Variants in CASP14 observed in about 807,000 individuals in gnomAD.
CASP14 encodes the protein caspase-14.
Under a neutral mutation model 28.4 loss-of-function variants are expected in CASP14, and 27 were observed. The ratio of observed to expected loss-of-function variants is 0.95; its 90% confidence interval spans 0.70 to 1.31. The LOEUF (loss-of-function observed/expected upper bound fraction) is 1.31, where lower values mean the gene tolerates loss of function less well. CASP14 is among the 50% of genes most tolerant of loss of function. The pLI is 0.00. For missense variants in CASP14, 323 were observed against 312.8 expected, an observed-to-expected ratio of 1.03 and a Z score of -0.25; for synonymous variants, 115 against 118.6, an observed-to-expected ratio of 0.97 and a Z score of 0.20.
At chr19:15,051,486 G>C (rs2366726) in intron 1 of CASP14, among the ~76,000 whole-genome samples, 53,559 of 132,200 alleles carry the variant, frequency 0.41, 10,736 homozygotes, top group Middle Eastern at 0.49. Flanking sequence ...CTGGGTGACA[G>C]AGTGAGATTC....
intron 3 of CASP14, 33 bp downstream of exon 3, chr19:15,053,664 G>A (rs760864070): frequency 2.5e-6 from 4 of 1,614,084 alleles, no homozygotes; most frequent in Admixed American, 3.3e-5. Context: ...CCTGTTTGGG[G>A]GAAAGGTACT....
At position 15,056,066 on chromosome 19, in the gene CASP14, C is replaced by G; in HGVS notation, c.706C>G (p.Arg236Gly). Residue 236 changes from arginine to glycine, a missense_variant, in exon 7 of 7, where the codon CGG (arginine) becomes GGG (glycine). Arg to Gly is a moderately radical substitution (Grantham distance 125). Coordinates refer to ENST00000427043, the MANE Select transcript of CASP14 (RefSeq NM_012114.3). Reference sequence around the variant, plus strand: ...GAACCCTGAAATCCAAAGCACCCTCCGGAAACGGCTGTATCTGCAGTAGAA... The same window carrying G: ...GAACCCTGAAATCCAAAGCACCCTCGGGAAACGGCTGTATCTGCAGTAGAA... ...KTNPEIQSTL[R>G]KRLYLQ 6.2e-7 allele frequency: 1 copy of G among 1,602,916 alleles called. No individual in the cohort carries two copies. The highest frequency in any genetic ancestry group is 1.1e-5 in the South Asian group (1 of 89,094).
At chr19:15,050,996 G>A (rs1035521434) in intron 1 of CASP14, among the ~76,000 whole-genome samples, 1 of 151,466 alleles carries the variant, frequency 6.6e-6, no homozygotes, top group African/African-American at 2.4e-5. Context: ...ATAAGTAGAT[G>A]GACAGATGAA....
intron 2 of CASP14, among the ~76,000 whole-genome samples, chr19:15,052,957 C>T (rs2046097869): frequency 6.6e-6 from 1 of 152,210 alleles, no homozygotes; most frequent in Non-Finnish European, 1.5e-5. Flanking sequence ...TTGAATTTCA[C>T]ATCAACAACA....
At chr19:15,054,140 A>G (rs1201477260) in intron 4 of CASP14, among the ~76,000 whole-genome samples, 182 bp downstream of exon 4, 2 of 151,856 alleles carry the variant, frequency 1.3e-5, no homozygotes, top group African/African-American at 4.8e-5. Flanking sequence ...TCCCGCCACT[A>G]TGTCAGGCTA....
intron 4 of CASP14, 148 bp downstream of exon 4, chr19:15,054,106 T>A: frequency 1.5e-6 from 1 of 668,854 alleles, no homozygotes. Flanking sequence ...TGCCTCAGCC[T>A]CCTGAGTAGC....
rs373969627 is a variant in CASP14 at position 15,053,638 on chromosome 19, G to A, written c.177+7G>A. 1.9e-6 allele frequency: 3 copies of A among 1,614,180 alleles called. No individual in the cohort carries two copies. Among genetic ancestry groups the A allele is most frequent in the Non-Finnish European group, 2.5e-6 (3 of 1,180,038 alleles). ...AAGAGACCCCACTGCCGAGGTATTG[G>A]GGTGCCTACTCCAGGCCTGTTTGGG... On this transcript the variant is annotated splice_region_variant and intron_variant, in intron 3 of 6. Transcript: ENST00000427043.
In CASP14 at chr19:15,056,096, A is replaced by C; in HGVS notation, c.*7A>C. 1 of 1,574,936 alleles carries C rather than the reference A, an allele frequency of 6.3e-7. No homozygotes were observed. The highest frequency in any genetic ancestry group is 2.3e-5 in the East Asian group (1 of 43,512). ...ACGGCTGTATCTGCAGTAGAAGTAG[A>C]AAGACCAGGAGGAGCTTTCCTTCCA... On this transcript the variant is annotated 3_prime_UTR_variant, in exon 7 of 7. Transcript: ENST00000427043.
chr19:15,055,286 C>T lies in CASP14; in HGVS notation c.520+12C>T. The T allele has an allele frequency of 5.0e-6, 8 of 1,605,908 alleles. No individual in the cohort carries two copies. The highest frequency in any genetic ancestry group is 6.0e-6 in the Non-Finnish European group (7 of 1,172,654). On this transcript the variant is annotated intron_variant, in intron 5 of 6. Coordinates refer to ENST00000427043, the MANE Select transcript of CASP14 (RefSeq NM_012114.3). Reference sequence around the variant, plus strand: ...TTCCACGGTAGAGGGTATGAGCTCCCAGCTGGCCCAGGGATCCCTCTGCTC... The same window carrying T: ...TTCCACGGTAGAGGGTATGAGCTCCTAGCTGGCCCAGGGATCCCTCTGCTC...
rs1889830013 is a variant in CASP14 at position 15,052,225 on chromosome 19, G to C, written c.-27G>C. 2 of 1,583,326 alleles carry C rather than the reference G, an allele frequency of 1.3e-6. No individual in the cohort carries two copies. Among genetic ancestry groups the C allele is most frequent in the South Asian group, 2.3e-5 (2 of 85,434 alleles). On this transcript the variant is annotated 5_prime_UTR_variant, in exon 2 of 7. Coordinates refer to ENST00000427043, the MANE Select transcript of CASP14 (RefSeq NM_012114.3). ...TCCAAGGATCAGACAAGGGTGCTGA[G>C]AGCCGGGACTCACAACCAAAGGAGA...
rs73518130 is a variant in CASP14 at position 15,057,725 on chromosome 19, A to C, written c.*1636A>C. On this transcript the variant is annotated 3_prime_UTR_variant, in exon 7 of 7. Coordinates refer to ENST00000427043, the MANE Select transcript of CASP14 (RefSeq NM_012114.3). ...GCAACACAGCAAGACCCTGTCTCTA[A>C]AAAAAAAAATTAATTAACTGGGTAT... 20,263 of 150,602 alleles carry C rather than the reference A, an allele frequency of 0.13. 1,773 individuals carry two copies. The highest frequency in any genetic ancestry group is 0.26 in the African/African-American group (10,699 of 41,150). 9.3% of individuals were successfully genotyped at this position (150,602 alleles called of 1,614,324 possible). A position where few individuals can be genotyped will look rare whatever the true frequency, so the allele number is the denominator to read the frequency against.
intron 2 of CASP14, 125 bp from the exon 3 acceptor site, chr19:15,053,357 C>G (rs2046099645): frequency 2.5e-6 from 3 of 1,191,070 alleles, no homozygotes; most frequent in Non-Finnish European, 2.4e-6. Flanking sequence ...ATCCTCCCAC[C>G]TCGGCCTCCC....
chr19:15,055,579 G>A (rs2145284024), intron 6 of CASP14, 46 bp downstream of exon 6: 2 of 1,412,572 alleles, frequency 1.4e-6, no homozygotes, highest in African/African-American at 1.4e-5. Flanking sequence ...GGCCAAGAAG[G>A]GTGCAGGCGG....
At chr19:15,055,964 T>C (rs1275016543) in intron 6 of CASP14, 21 bp from the exon 7 acceptor site, 2 of 1,587,454 alleles carry the variant, frequency 1.3e-6, no homozygotes, top group Non-Finnish European at 1.7e-6. Flanking sequence ...TCCTCCAAGC[T>C]CACCACACCT....
At position 15,053,565 on chromosome 19, in the gene CASP14, T is replaced by A. The variant is rs1321831150; in HGVS notation, c.111T>A (p.Asp37Glu). 1.2e-6 allele frequency: 2 copies of A among 1,614,176 alleles called. No individual in the cohort carries two copies. Among genetic ancestry groups the A allele is most frequent in the Admixed American group, 1.7e-5 (1 of 60,026 alleles). ...GGGAAGGTTCCGAAGAAGACCTGGA[T>A]GCTCTGGAACACATGTTTCGGCAGC... ...KAREGSEEDL[D>E]ALEHMFRQLR... Residue 37 changes from aspartate (D) to glutamate (E), a missense_variant, in exon 3 of 7, where the codon GAT becomes GAA. Transcript: ENST00000427043.
intron 1 of CASP14, 52 bp downstream of exon 1, chr19:15,049,697 T>TCTCACACA (rs1491472877): frequency 5.5e-4 from 57 of 104,586 alleles, no homozygotes; most frequent in African/African-American, 1.7e-3. Flanking sequence ...TCTCTCTCTC[T>TCTCACACA]CACACACACA....
chr19:15,051,725 T>C (rs1281254158), intron 1 of CASP14, among the ~76,000 whole-genome samples: 2 of 152,052 alleles, frequency 1.3e-5, no homozygotes, highest in East Asian at 3.9e-4. Flanking sequence ...CCCAGTGAGA[T>C]AATATCAAAG....
chr19:15,052,281 A>G lies in CASP14; in HGVS notation c.27+3A>G. 1 of 1,587,776 alleles carries G rather than the reference A, an allele frequency of 6.3e-7. No homozygotes were observed. The highest frequency in any genetic ancestry group is 8.6e-7 in the Non-Finnish European group (1 of 1,168,732). Reference sequence around the variant, plus strand: ...GCAATCCGCGGTCTTTGGAAGAGGTAGGCTGGGTGCAGGTTGAGGGGAGGG... The same window carrying G: ...GCAATCCGCGGTCTTTGGAAGAGGTGGGCTGGGTGCAGGTTGAGGGGAGGG... On this transcript the variant is annotated splice_donor_region_variant and intron_variant, in intron 2 of 6. Transcript: ENST00000427043.
Position 15,055,379 on chromosome 19 carries a change from C to T in CASP14, c.521-51C>T, listed in dbSNP as rs1247370827. The T allele has an allele frequency of 3.2e-6, 5 of 1,581,988 alleles. No homozygotes were observed. The East Asian group carries it at 9.0e-5, about 28-fold the overall frequency. ...AGGACCCACGCCCTTCCAGGATCCCCTCTACCTACCCTCTGAAGCTCCCCC... is the reference window on the plus strand; with the variant it reads ...AGGACCCACGCCCTTCCAGGATCCCTTCTACCTACCCTCTGAAGCTCCCCC... On this transcript the variant is annotated intron_variant, in intron 5 of 6. Transcript: ENST00000427043.
Sources: gnomAD v4.1 joint callset for allele counts (sites outside exome capture counted in the v4.1 genomes callset) on GRCh38, gnomAD v4.1.1 for gene constraint, MANE v1.5 for transcripts, NCBI Gene and HGNC (gene_info 2026-07-23, HGNC 2026-07-21) for gene names.